ADHFE1: variants seen among roughly 807,000 people sequenced by gnomAD.
ADHFE1 encodes the protein alcohol dehydrogenase iron containing 1.
ADHFE1 carries 37 observed loss-of-function variants against 54.8 expected under a neutral mutation model. The ratio of observed to expected loss-of-function variants is 0.68; its 90% CI spans 0.52 to 0.89. The LOEUF (loss-of-function observed/expected upper bound fraction) is 0.89. Among genes scored for constraint, ADHFE1 ranks in the 40% least tolerant of loss-of-function variants. The pLI, the probability that ADHFE1 is intolerant of heterozygous loss-of-function variation, is 0.00. For synonymous variants in ADHFE1, 203 were observed against 229.3 expected (o/e 0.89, Z 1.04); for missense variants, 601 against 591.2 (o/e 1.02, Z -0.17).
At chr8:66,467,961 G>T (rs1248880889) in intron 13 of ADHFE1, among the ~76,000 whole-genome samples, 1 of 152,190 alleles carries the variant, frequency 6.6e-6, no homozygotes, top group African/African-American at 2.4e-5. Flanking sequence ...CCTGGCAGAG[G>T]TGGTTGACTG....
chr8:66,467,492 A>T (rs1807259056), intron 13 of ADHFE1, among the ~76,000 whole-genome samples: 1 of 152,160 alleles, frequency 6.6e-6, no homozygotes, highest in African/African-American at 2.4e-5. Flanking sequence ...CAGTGCACAC[A>T]GCTGAGCCCC....
At chr8:66,460,040 T>C (rs1806815212) in intron 12 of ADHFE1, 1 of 439,906 alleles carries the variant, frequency 2.3e-6, no homozygotes, top group Admixed American at 3.9e-5. Context: ...TCTTGCCTTG[T>C]TCTGCACCTC....
chr8:66,447,431 TAC>T, intron 7 of ADHFE1, 90 bp downstream of exon 7: 6 of 1,132,994 alleles, frequency 5.3e-6, no homozygotes, highest in African/African-American at 1.6e-5. Flanking sequence ...GCAGTTATGA[TAC>T]AGTTAGAATA....
At chr8:66,461,563 G>A (rs890829976) in intron 13 of ADHFE1, among the ~76,000 whole-genome samples, 9 of 152,052 alleles carry the variant, frequency 5.9e-5, no homozygotes, top group African/African-American at 1.9e-4. Context: ...GTCCACAGGA[G>A]CCAGGTAGAG....
At position 66,448,877 on chromosome 8, in the gene ADHFE1, G is replaced by A. The variant is rs372547396; in HGVS notation, c.641G>A (p.Arg214Lys). ...HLKVKIGITS[R>K]AIKPTLGLID... ...CCTTATGTTTTAGGCATCACTTCGAGAGCCATCAAACCCACACTGGGACTG... is the reference window on the plus strand; with the variant it reads ...CCTTATGTTTTAGGCATCACTTCGAAAGCCATCAAACCCACACTGGGACTG... Residue 214 changes from arginine (R) to lysine (K), a missense_variant, in exon 8 of 14, where the codon AGA (arginine) becomes AAA (lysine). Transcript: ENST00000396623. The A allele has an allele frequency of 5.0e-6, 8 of 1,613,990 alleles. No homozygotes were observed. The highest frequency in any genetic ancestry group is 2.2e-5 in the East Asian group (1 of 44,876).
chr8:66,444,561 G>A (rs761989507), intron 4 of ADHFE1, 33 bp from the exon 5 acceptor site: 10 of 1,613,064 alleles, frequency 6.2e-6, no homozygotes, highest in Admixed American at 1.7e-5. Flanking sequence ...CAGTTCTAGT[G>A]GAGTTGAACC....
At position 66,444,395 on chromosome 8, in the gene ADHFE1, C is replaced by G. The variant is rs1805921263; in HGVS notation, c.173C>G (p.Ala58Gly). 6.2e-7 allele frequency: 1 copy of G among 1,614,006 alleles called. No homozygotes were observed. The highest frequency in any genetic ancestry group is 1.3e-5 in the African/African-American group (1 of 74,904). The part of the protein sequence containing the change: ...EMAVSNIRYG[A>G]AVTKEVGMDL... ...GCTGTTTCAAATATTAGATATGGAG[C>G]AGCAGTTACAAAGGAAGTAGGAATG... The change falls in exon 4 of 14, where the codon GCA becomes GGA. Residue 58 changes from alanine (A) to glycine (G), a missense_variant. By Grantham distance (60) the Ala-to-Gly change is moderately conservative. Transcript: ENST00000396623.
At chr8:66,437,667 G>C (rs1019103990) in intron 1 of ADHFE1, among the ~76,000 whole-genome samples, 2 of 151,996 alleles carry the variant, frequency 1.3e-5, no homozygotes, top group Admixed American at 6.6e-5. Context: ...AGTACAAAAG[G>C]CTTACTTTAT....
Position 66,439,696 on chromosome 8 carries a change from G to GA in ADHFE1, c.60-461dup, listed in dbSNP as rs1805646706. ...GGCTCAGGTCTAGAGCCTGCCTGAAGAAAAATTAGACATCTTGAAGACACT... is the reference window on the plus strand; with the variant it reads ...GGCTCAGGTCTAGAGCCTGCCTGAAGAAAAAATTAGACATCTTGAAGACACT... On this transcript the variant is annotated intron_variant, in intron 1 of 13. Coordinates refer to ENST00000396623, the MANE Select transcript of ADHFE1 (RefSeq NM_144650.3). The surrounding 1 kb of genome is among the most constrained non-coding windows in gnomAD (Gnocchi z 4.4). 2 of 987,834 alleles carry GA rather than the reference G, an allele frequency of 2.0e-6. No homozygotes were observed. Among genetic ancestry groups the GA allele is most frequent in the Non-Finnish European group, 2.4e-6 (2 of 831,686 alleles). 61.2% of individuals were successfully genotyped at this position (987,834 alleles called of 1,614,324 possible). A position where few individuals can be genotyped will look rare whatever the true frequency, so the allele number is the denominator to read the frequency against.
intron 9 of ADHFE1, chr8:66,453,798 T>G: frequency 7.0e-7 from 1 of 1,435,896 alleles, no homozygotes; most frequent in Non-Finnish European, 9.4e-7. Flanking sequence ...GACCAGCGCG[T>G]TGCCTCCCCC....
At position 66,455,918 on chromosome 8, in the gene ADHFE1, G is replaced by A. The variant is rs189600332; in HGVS notation, c.987-899G>A. On this transcript the variant is annotated intron_variant, in intron 10 of 13. Transcript: ENST00000396623. Reference sequence around the variant, plus strand: ...TTGCTCCACTCCAGCCCAGGCAACAGAGTGGGACCCTGTCTCAAAAAAACC... The same window carrying A: ...TTGCTCCACTCCAGCCCAGGCAACAAAGTGGGACCCTGTCTCAAAAAAACC... 9.2e-5 allele frequency among the ~76,000 whole-genome samples: 14 copies of A among 152,148 alleles called. No homozygotes were observed. The East Asian group carries it at 2.7e-3, about 29-fold the overall frequency.
At position 66,454,099 on chromosome 8, in the gene ADHFE1, A is replaced by T; in HGVS notation, c.928A>T (p.Met310Leu). The part of the protein sequence containing the change: ...NPDDLEARSH[M>L]HLASAFAGIG... ...CGATGATCTTGAAGCAAGGTCTCAT[A>T]TGCACTTGGCAAGTGCTTTTGCTGG... is the stretch of plus-strand genomic sequence containing the variant. Residue 310 changes from methionine to leucine, a missense_variant, in exon 10 of 14, where the codon ATG (methionine) becomes TTG (leucine). Coordinates refer to ENST00000396623, the MANE Select transcript of ADHFE1 (RefSeq NM_144650.3). The T allele has an allele frequency of 6.2e-7, 1 of 1,614,202 alleles. No individual in the cohort carries two copies. Among genetic ancestry groups the T allele is most frequent in the Non-Finnish European group, 8.5e-7 (1 of 1,180,018 alleles).
Position 66,436,422 on chromosome 8 carries a change from G to A in ADHFE1, c.60-3740G>A, listed in dbSNP as rs1022543929. 5.9e-5 allele frequency among the ~76,000 whole-genome samples: 9 copies of A among 152,158 alleles called. No individual in the cohort carries two copies. The East Asian group carries it at 1.7e-3, about 29-fold the overall frequency. On this transcript the variant is annotated intron_variant, in intron 1 of 13. Transcript: ENST00000396623. ...GTATGCAGAGGTGAAGCATACCTGG[G>A]TATGGAACAGAGTGAATAAGGGGGA...
chr8:66,443,847 A>G (rs1030419), intron 3 of ADHFE1, among the ~76,000 whole-genome samples: 96,633 of 152,042 alleles, frequency 0.64, 32,223 homozygotes, highest in African/African-American at 0.83. Flanking sequence ...AAATTTAAAC[A>G]TAACACAGAT....
At chr8:66,454,185 T>A (rs1322819592) in intron 10 of ADHFE1, 28 bp downstream of exon 10, 1 of 1,609,256 alleles carries the variant, frequency 6.2e-7, no homozygotes, top group Admixed American at 1.7e-5. Flanking sequence ...TTCATTTCTT[T>A]ACTCAAGCTA....
At chr8:66,460,578 C>A in intron 13 of ADHFE1, 113 bp downstream of exon 13, 1 of 1,286,920 alleles carries the variant, frequency 7.8e-7, no homozygotes, top group Non-Finnish European at 1.1e-6. Context: ...CCCGGTGGTT[C>A]TCGGGTCTCC....
At chr8:66,432,980 G>A in intron 1 of ADHFE1, 1 of 898,414 alleles carries the variant, frequency 1.1e-6, no homozygotes, top group Non-Finnish European at 1.3e-6. Context: ...AGGCTCTGGA[G>A]CAGTTTGAGG....
At chr8:66,434,635 A>G (rs1404590698) in intron 1 of ADHFE1, among the ~76,000 whole-genome samples, 7 of 152,208 alleles carry the variant, frequency 4.6e-5, no homozygotes, top group Admixed American at 4.6e-4. Context: ...GCACGGGGTG[A>G]TGTGTGGCCA....
At chr8:66,452,138 A>G in intron 9 of ADHFE1, 33 bp downstream of exon 9, 1 of 1,609,242 alleles carries the variant, frequency 6.2e-7, no homozygotes, top group Non-Finnish European at 8.5e-7. Context: ...GAAATAGAAC[A>G]GGAGGCCCAC....
Sources: allele counts gnomAD v4.1 joint callset (sites outside exome capture counted in the v4.1 genomes callset), GRCh38; gene constraint gnomAD v4.1.1; non-coding constraint Gnocchi (gnomAD v3.1); transcripts MANE v1.5; gene names NCBI Gene and HGNC (gene_info 2026-07-23, HGNC 2026-07-21).